The following TENM2 variants were observed in gnomAD, a reference collection of about 807,000 sequenced individuals.
TENM2 encodes the protein teneurin-2.
Under a neutral mutation model 245.2 loss-of-function variants are expected in TENM2, and 52 were observed. The observed-to-expected ratio is 0.21, with a 90% CI of 0.17 to 0.27. The LOEUF is 0.27. Among genes scored for constraint, TENM2 ranks in the 10% least tolerant of loss-of-function variants. The pLI, the probability that TENM2 is intolerant of heterozygous loss-of-function variation, is 1.00. For missense variants in TENM2, 3,046 were observed against 3,666.8 expected (o/e 0.83, Z 4.37); for synonymous variants, 1,363 against 1,438.9 (o/e 0.95, Z 1.19).
chr5:167,857,293 G>T (rs2151252449), intron 2 of TENM2, among the ~76,000 whole-genome samples: 1 of 152,242 alleles, frequency 6.6e-6, no homozygotes, highest in Middle Eastern at 3.4e-3. Context: ...GCTTATAAAT[G>T]TCCATTCTGT....
intron 2 of TENM2, among the ~76,000 whole-genome samples, chr5:167,715,161 A>C (rs1194176341): frequency 7.9e-5 from 12 of 151,786 alleles, no homozygotes; most frequent in Non-Finnish European, 1.0e-4. Context: ...TCTGGAGTAC[A>C]TAATCAATGG....
intron 2 of TENM2, among the ~76,000 whole-genome samples, chr5:167,733,711 C>T (rs1198557888): frequency 4.6e-5 from 7 of 152,126 alleles, no homozygotes; most frequent in Non-Finnish European, 8.8e-5. Flanking sequence ...CGGAAGGGCC[C>T]CTTAGGTTCT....
At chr5:167,935,580 A>G (rs1215493719) in intron 3 of TENM2, among the ~76,000 whole-genome samples, 1 of 152,124 alleles carries the variant, frequency 6.6e-6, no homozygotes, top group Admixed American at 6.5e-5. Flanking sequence ...AATGAACGAG[A>G]GTGGCGGGTG....
At position 167,406,384 on chromosome 5, in the gene TENM2, G is replaced by T. The variant is rs74651640; in HGVS notation, c.502+30911G>T. Among the ~76,000 whole-genome samples, 6 of 152,242 alleles carry T rather than the reference G, an allele frequency of 3.9e-5. No homozygotes were observed. In the East Asian group the frequency reaches 1.2e-3, roughly 29 times the overall value. On this transcript the variant is annotated intron_variant, in intron 2 of 28. Transcript: ENST00000518659. Reference sequence around the variant, plus strand: ...TAAGTATTATCAATGGACTTAAAGAGCTCAATTATTTTTTGCAATTGCATG... The same window carrying T: ...TAAGTATTATCAATGGACTTAAAGATCTCAATTATTTTTTGCAATTGCATG...
intron 2 of TENM2, among the ~76,000 whole-genome samples, chr5:167,855,031 C>T (rs1353491102): frequency 1.3e-5 from 2 of 152,172 alleles, no homozygotes; most frequent in Non-Finnish European, 2.9e-5. Context: ...TCACTCCTCC[C>T]TCAGAACCTT....
intron 1 of TENM2, among the ~76,000 whole-genome samples, chr5:167,334,337 A>G (rs940228808): frequency 5.3e-5 from 8 of 152,218 alleles, no homozygotes; most frequent in African/African-American, 1.9e-4. Context: ...TGACTGAATG[A>G]CAGTAAAATT....
At chr5:167,284,968 A>G in exon 1 of TENM2, 1 of 1,551,886 alleles carries the variant, frequency 6.4e-7, no homozygotes, top group Non-Finnish European at 8.7e-7. Flanking sequence ...AGCTCCAGTG[A>G]GACTCTGAAG....
intron 6 of TENM2, 133 bp downstream of exon 8, chr5:168,047,682 G>C: frequency 1.8e-6 from 2 of 1,101,208 alleles, no homozygotes; most frequent in Non-Finnish European, 2.6e-6. Context: ...AAAAATCATT[G>C]CCTTTCATAG....
At chr5:168,059,318 T>TTGTATA (rs1562107653) in intron 6 of TENM2, among the ~76,000 whole-genome samples, 1 of 152,212 alleles carries the variant, frequency 6.6e-6, no homozygotes, top group Non-Finnish European at 1.5e-5. Context: ...CCATTCAGGT[T>TTGTATA]TCCACAGTAG....
chr5:167,282,084 C>G (rs186713171), upstream of TENM2, among the ~76,000 whole-genome samples: 1 of 151,756 alleles, frequency 6.6e-6, no homozygotes, highest in Admixed American at 6.6e-5. Context: ...AGCATACACA[C>G]GCATACATAC....
At chr5:168,193,599 C>T (rs1398858588) in intron 14 of TENM2, among the ~76,000 whole-genome samples, 1 of 152,182 alleles carries the variant, frequency 6.6e-6, no homozygotes, top group Non-Finnish European at 1.5e-5. Flanking sequence ...ATTCCTATGG[C>T]ACACTGCAAA....
chr5:167,598,253 T>G (rs1194385645), intron 2 of TENM2, among the ~76,000 whole-genome samples: 2 of 152,176 alleles, frequency 1.3e-5, no homozygotes, highest in Non-Finnish European at 2.9e-5. Flanking sequence ...ACATGAAATT[T>G]GTCATTTTGT....
chr5:167,955,508 T>C (rs2546938), intron 4 of TENM2, among the ~76,000 whole-genome samples: 2,662 of 152,310 alleles, frequency 0.017, 74 homozygotes, highest in African/African-American at 0.061. Context: ...TTCTTTGCCA[T>C]TGCTTTTTGT....
the TENM2 span, among the ~76,000 whole-genome samples, chr5:167,200,230 G>T: frequency 8.7e-4 from 133 of 152,136 alleles, no homozygotes; most frequent in African/African-American, 3.2e-3. Context: ...AAGTTTGGTT[G>T]TTGGTTTTTC....
At chr5:167,451,289 C>A (rs1765567823) in intron 2 of TENM2, among the ~76,000 whole-genome samples, 2 of 152,114 alleles carry the variant, frequency 1.3e-5, no homozygotes, top group Admixed American at 1.3e-4. Flanking sequence ...TGTAATGAGC[C>A]CTCTGCACAC....
chr5:167,413,300 T>A (rs80348211), intron 2 of TENM2, among the ~76,000 whole-genome samples: 1 of 152,064 alleles, frequency 6.6e-6, no homozygotes, highest in African/African-American at 2.4e-5. Flanking sequence ...AGGTCTCTGA[T>A]TGAGTAATGA....
chr5:167,616,928 C>G (rs116429958), intron 2 of TENM2, among the ~76,000 whole-genome samples: 2 of 152,002 alleles, frequency 1.3e-5, no homozygotes, highest in African/African-American at 4.8e-5. Context: ...GGGAGGCCTT[C>G]CATGATGATT....
At chr5:167,384,700 G>A (rs1338446713) in intron 2 of TENM2, among the ~76,000 whole-genome samples, 5 of 107,142 alleles carry the variant, frequency 4.7e-5, no homozygotes, top group South Asian at 5.3e-4. Flanking sequence ...GTGCACACGC[G>A]TGCGCGCACA....
intron 2 of TENM2, among the ~76,000 whole-genome samples, chr5:167,529,360 G>A (rs67641748): frequency 0.086 from 13,073 of 152,176 alleles, 614 homozygotes; most frequent in South Asian, 0.18. Flanking sequence ...AAAGATTGAG[G>A]TGTGATCTCC....
Sources: allele counts gnomAD v4.1 joint callset (sites outside exome capture counted in the v4.1 genomes callset), GRCh38; gene constraint gnomAD v4.1.1; transcripts MANE v1.5; gene names NCBI Gene and HGNC (gene_info 2026-07-23, HGNC 2026-07-21).